OR2M3: variants seen among roughly 807,000 people sequenced by gnomAD.
OR2M3 encodes the protein olfactory receptor 2M3.
Under a neutral mutation model 4.3 loss-of-function variants are expected in OR2M3, and 1 was observed. The observed-to-expected ratio is 0.23, with a 90% confidence interval of 0.08 to 1.11. The LOEUF is 1.11. Among genes scored for constraint, OR2M3 ranks in the 50% most tolerant of loss-of-function variants. The probability of loss-of-function intolerance (pLI) is 0.54; values close to 1 mark genes in which losing one functional copy is unlikely to be tolerated. For synonymous variants in OR2M3, 151 were observed against 139.4 expected (o/e 1.08, Z -0.59); for missense variants, 410 against 390.4 (o/e 1.05, Z -0.42).
At position 248,203,999 on chromosome 1, in the gene OR2M3, G is replaced by C; in HGVS notation, c.932G>C (p.Gly311Ala). Residue 311 changes from glycine to alanine, a missense_variant, in exon 2 of 2, where the codon GGA becomes GCA. Transcript: ENST00000641626. The part of the protein sequence containing the change: ...FMKILGKGKS[G>A]E ...AAGATCTTAGGAAAGGGCAAGTCTG[G>C]AGAGTGAGTTACCTAATAAACTTCA... The C allele has an allele frequency of 6.2e-7, 1 of 1,613,764 alleles. No homozygotes were observed. Among genetic ancestry groups the C allele is most frequent in the Non-Finnish European group, 8.5e-7 (1 of 1,179,786 alleles).
At chr1:248,200,807 A>G (rs1260369167) in intron 1 of OR2M3, among the ~76,000 whole-genome samples, 1 of 152,112 alleles carries the variant, frequency 6.6e-6, no homozygotes, top group Non-Finnish European at 1.5e-5. Flanking sequence ...ATATAAATAA[A>G]TAAAAGTCAA....
At position 248,211,614 on chromosome 1, in the gene OR2M3, TC is replaced by T. The variant is rs1259794167; in HGVS notation, c.*7610del. 6.6e-6 allele frequency: 1 copy of T among 151,758 alleles called. No individual in the cohort carries two copies. The highest frequency in any genetic ancestry group is 2.4e-5 in the African/African-American group (1 of 41,300). 9.4% of individuals were successfully genotyped at this position (151,758 alleles called of 1,614,324 possible). A position where few individuals can be genotyped will look rare whatever the true frequency, so the allele number is the denominator to read the frequency against. The stretch of plus-strand genomic sequence containing the variant: ...TCTTGGCTCACTGCAACCTCCTCCT[TC>T]CGGGTTCAAGCAATTCTCCCTGCCT... On this transcript the variant is annotated 3_prime_UTR_variant, in exon 2 of 2. Transcript: ENST00000641626.
At chr1:248,199,382 T>A (rs144028217) in intron 1 of OR2M3, among the ~76,000 whole-genome samples, 3 of 151,434 alleles carry the variant, frequency 2.0e-5, no homozygotes, top group Non-Finnish European at 4.4e-5. Context: ...AATATTCTGG[T>A]TTTTTTTGAC....
chr1:248,198,258 G>A (rs1032862340), intron 1 of OR2M3, among the ~76,000 whole-genome samples: 1 of 152,038 alleles, frequency 6.6e-6, no homozygotes, highest in African/African-American at 2.4e-5. Flanking sequence ...CAGTATTGCT[G>A]TGCTTCATAA....
Position 248,203,221 on chromosome 1 carries a change from G to C in OR2M3, c.154G>C (p.Asp52His), listed in dbSNP as rs1666179496. Residue 52 changes from aspartate to histidine, a missense_variant, in exon 2 of 2, where the codon GAC becomes CAC. Coordinates refer to ENST00000641626, the MANE Select transcript of OR2M3 (RefSeq NM_001004689.2). ...TGTCATGGTTCTCCTCATCTACCTGGACACCCAGCTCCACACCCCCATGTA... is the reference window on the plus strand; with the variant it reads ...TGTCATGGTTCTCCTCATCTACCTGCACACCCAGCTCCACACCCCCATGTA... The part of the protein sequence containing the change: ...NSVMVLLIYL[D>H]TQLHTPMYLL... The C allele has an allele frequency of 6.2e-7, 1 of 1,613,480 alleles. No individual in the cohort carries two copies. The highest frequency in any genetic ancestry group is 8.5e-7 in the Non-Finnish European group (1 of 1,179,886).
At chr1:248,201,690 G>A (rs973058702) in intron 1 of OR2M3, among the ~76,000 whole-genome samples, 7 of 148,476 alleles carry the variant, frequency 4.7e-5, no homozygotes, top group African/African-American at 1.7e-4. Flanking sequence ...GTGAGAACAT[G>A]CGGTGTTTGG....
In OR2M3 at chr1:248,206,501, A is replaced by G. The variant is rs1666225550; in HGVS notation, c.*2495A>G. On this transcript the variant is annotated 3_prime_UTR_variant, in exon 2 of 2. Coordinates refer to ENST00000641626, the MANE Select transcript of OR2M3 (RefSeq NM_001004689.2). ...GTCCCTTCGTGTTGATTTTGCTTAG[A>G]ATTTTAATTGTAAAGGGATGTGGGA... 6.6e-6 allele frequency: 1 copy of G among 151,888 alleles called. No homozygotes were observed. 9.4% of individuals were successfully genotyped at this position (151,888 alleles called of 1,614,324 possible). A position where few individuals can be genotyped will look rare whatever the true frequency, so the allele number is the denominator to read the frequency against.
intron 1 of OR2M3, among the ~76,000 whole-genome samples, chr1:248,200,047 T>G (rs1224560255): frequency 1.3e-5 from 2 of 152,100 alleles, no homozygotes; most frequent in Admixed American, 6.6e-5. Context: ...ATTTGGTGAC[T>G]GGGAAGGAAT....
At position 248,199,381 on chromosome 1, in the gene OR2M3, G is replaced by T. The variant is rs567511603; in HGVS notation, c.-19+2080G>T. On this transcript the variant is annotated intron_variant, in intron 1 of 1. Transcript: ENST00000641626. ...CAGTGCTGCAACTCAAAATATTCTG[G>T]TTTTTTTTGACAGTGAATAGTCCTG... 7.8e-4 allele frequency among the ~76,000 whole-genome samples: 118 copies of T among 151,782 alleles called. 1 individual carries two copies. Among genetic ancestry groups the T allele is most frequent in the Admixed American group, 1.2e-3 (19 of 15,220 alleles).
At chr1:248,198,426 G>A (rs760230545) in intron 1 of OR2M3, among the ~76,000 whole-genome samples, 4 of 152,110 alleles carry the variant, frequency 2.6e-5, no homozygotes, top group Non-Finnish European at 5.9e-5. Context: ...CATGCAGGTT[G>A]CATTTTTATA....
At chr1:248,201,061 T>G (rs1025690068) in intron 1 of OR2M3, among the ~76,000 whole-genome samples, 5 of 152,142 alleles carry the variant, frequency 3.3e-5, no homozygotes, top group African/African-American at 9.7e-5. Flanking sequence ...TAGAACATAA[T>G]TTTTTACTGC....
At position 248,209,448 on chromosome 1, in the gene OR2M3, C is replaced by T. The variant is rs938631082; in HGVS notation, c.*5442C>T. 3 of 151,996 alleles carry T rather than the reference C, an allele frequency of 2.0e-5. No individual in the cohort carries two copies. The highest frequency in any genetic ancestry group is 2.0e-4 in the Admixed American group (3 of 15,242). The allele number at this position is 151,996 out of a possible 1,614,324, so 9.4% of individuals were successfully genotyped here. On this transcript the variant is annotated 3_prime_UTR_variant, in exon 2 of 2. Coordinates refer to ENST00000641626, the MANE Select transcript of OR2M3 (RefSeq NM_001004689.2). ...TCCTTCTTATTTGGGTAGACTATGT[C>T]AGAGGGAAGACCTGGGATTCAAGTT...
At position 248,203,902 on chromosome 1, in the gene OR2M3, A is replaced by G. The variant is rs1352026439; in HGVS notation, c.835A>G (p.Thr279Ala). Residue 279 changes from threonine (T) to alanine (A), a missense_variant, in exon 2 of 2, where the codon ACC becomes GCC. Coordinates refer to ENST00000641626, the MANE Select transcript of OR2M3 (RefSeq NM_001004689.2). The part of the protein sequence containing the change: ...TQDKMVSVFY[T>A]ILTPMLNPLI... ...GGACAAGATGGTGTCTGTATTCTAC[A>G]CCATCCTCACTCCCATGTTGAATCC... The G allele has an allele frequency of 1.2e-6, 2 of 1,613,690 alleles. No individual in the cohort carries two copies. The highest frequency in any genetic ancestry group is 8.5e-7 in the Non-Finnish European group (1 of 1,179,900).
Position 248,212,910 on chromosome 1 carries a change from T to C in OR2M3, c.*8904T>C, listed in dbSNP as rs1315194314. ...TTGTTTTATTCATATTATAAAGGATTATATATCTGTTGTGGGTGTGAATTA... is the reference window on the plus strand; with the variant it reads ...TTGTTTTATTCATATTATAAAGGATCATATATCTGTTGTGGGTGTGAATTA... On this transcript the variant is annotated 3_prime_UTR_variant, in exon 2 of 2. Coordinates refer to ENST00000641626, the MANE Select transcript of OR2M3 (RefSeq NM_001004689.2). The C allele has an allele frequency of 6.6e-6, 1 of 151,970 alleles. No homozygotes were observed. The highest frequency in any genetic ancestry group is 1.9e-4 in the East Asian group (1 of 5,200). 9.4% of individuals were successfully genotyped at this position (151,970 alleles called of 1,614,324 possible). A position where few individuals can be genotyped will look rare whatever the true frequency, so the allele number is the denominator to read the frequency against.
In OR2M3 at chr1:248,207,061, G is replaced by C. The variant is rs114924288; in HGVS notation, c.*3055G>C. 3 of 151,578 alleles carry C rather than the reference G, an allele frequency of 2.0e-5. No homozygotes were observed. Among genetic ancestry groups the C allele is most frequent in the Non-Finnish European group, 3.0e-5 (2 of 67,772 alleles). The allele number at this position is 151,578 out of a possible 1,614,324, so 9.4% of individuals were successfully genotyped here. On this transcript the variant is annotated 3_prime_UTR_variant, in exon 2 of 2. Transcript: ENST00000641626. Reference sequence around the variant, plus strand: ...GAGGGTTGTATAGTTCCAGGAATTTGGTTATCTCTTCCAGGTTTTTTAGTT... The same window carrying C: ...GAGGGTTGTATAGTTCCAGGAATTTCGTTATCTCTTCCAGGTTTTTTAGTT...
rs1666198342 is a variant in OR2M3, at chr1:248,204,106, A to T, written c.*100A>T. 9.0e-7 allele frequency: 1 copy of T among 1,111,390 alleles called. No individual in the cohort carries two copies. Among genetic ancestry groups the T allele is most frequent in the African/African-American group, 1.6e-5 (1 of 64,342 alleles). The allele number at this position is 1,111,390 out of a possible 1,614,324, so 68.8% of individuals were successfully genotyped here. On this transcript the variant is annotated 3_prime_UTR_variant, in exon 2 of 2. Coordinates refer to ENST00000641626, the MANE Select transcript of OR2M3 (RefSeq NM_001004689.2). ...TGAAAATGGGATTCATTGTGTACAT[A>T]AATCTGCAATGACATATTTATGTGC... is the stretch of plus-strand genomic sequence containing the variant.
Position 248,203,997 on chromosome 1 carries a change from T to C in OR2M3, c.930T>C (p.Ser310=), listed in dbSNP as rs202170754. The C allele has an allele frequency of 2.7e-5, 44 of 1,613,864 alleles. No individual in the cohort carries two copies. In the East Asian group the frequency reaches 9.6e-4, roughly 35 times the overall value. ...TGAAGATCTTAGGAAAGGGCAAGTCTGGAGAGTGAGTTACCTAATAAACTT... is the reference window on the plus strand; with the variant it reads ...TGAAGATCTTAGGAAAGGGCAAGTCCGGAGAGTGAGTTACCTAATAAACTT... ...AFMKILGKGK[S]GE is the part of the protein sequence containing the mutation. The change falls in exon 2 of 2, where the codon TCT becomes TCC. Residue 310 remains serine, a synonymous_variant. Coordinates refer to ENST00000641626, the MANE Select transcript of OR2M3 (RefSeq NM_001004689.2).
rs945503087 is a variant in OR2M3 at position 248,212,266 on chromosome 1, A to C, written c.*8260A>C. 7.9e-5 allele frequency: 12 copies of C among 152,046 alleles called. No individual in the cohort carries two copies. Among genetic ancestry groups the C allele is most frequent in the African/African-American group, 2.9e-4 (12 of 41,446 alleles). The allele number at this position is 152,046 out of a possible 1,614,324, so 9.4% of individuals were successfully genotyped here. On this transcript the variant is annotated 3_prime_UTR_variant, in exon 2 of 2. Transcript: ENST00000641626. ...CATAATGCTATACATTAATGACTCT[A>C]GAATATGCATCACAACCATTTATAT...
chr1:248,206,545 C>A lies in OR2M3; in HGVS notation c.*2539C>A, dbSNP rs1666225927. The A allele has an allele frequency of 1.3e-5, 2 of 151,988 alleles. No homozygotes were observed. Among genetic ancestry groups the A allele is most frequent in the South Asian group, 4.1e-4 (2 of 4,826 alleles). 9.4% of individuals were successfully genotyped at this position (151,988 alleles called of 1,614,324 possible). A position where few individuals can be genotyped will look rare whatever the true frequency, so the allele number is the denominator to read the frequency against. ...TGTGGGATTTCATCAAATGCTTTTTCTCTGTCTATTGAGATGATCATGTGA... is the reference window on the plus strand; with the variant it reads ...TGTGGGATTTCATCAAATGCTTTTTATCTGTCTATTGAGATGATCATGTGA... On this transcript the variant is annotated 3_prime_UTR_variant, in exon 2 of 2. Transcript: ENST00000641626.
Sources: allele counts gnomAD v4.1 joint callset (sites outside exome capture counted in the v4.1 genomes callset), GRCh38; gene constraint gnomAD v4.1.1; transcripts MANE v1.5; gene names NCBI Gene and HGNC (gene_info 2026-07-23, HGNC 2026-07-21).